The following MEI4 variants were observed in gnomAD, a reference collection of about 807,000 sequenced individuals.
MEI4 encodes meiotic double-stranded break formation protein 4, also known as meiosis-specific protein MEI4.
MEI4 carries 27 observed loss-of-function variants against 31.4 expected under a neutral mutation model. That is an observed-to-expected ratio of 0.86 (90% CI 0.63 to 1.19). MEI4 has a LOEUF of 1.19. MEI4 is among the 50% of genes most tolerant of loss of function. The probability of loss-of-function intolerance (pLI) is 0.00; values close to 1 mark genes in which losing one functional copy is unlikely to be tolerated. For missense variants in MEI4, 329 were observed against 398.9 expected (o/e 0.82, Z 1.49); for synonymous variants, 122 against 145.4 (o/e 0.84, Z 1.16).
intron 2 of MEI4, among the ~76,000 whole-genome samples, chr6:77,730,247 A>G (rs772753257): frequency 3.3e-5 from 5 of 152,112 alleles, no homozygotes; most frequent in Non-Finnish European, 7.4e-5. Context: ...CCAGTTCCTC[A>G]TGGTAGCATT....
At chr6:77,739,573 G>T (rs902479153) in intron 2 of MEI4, among the ~76,000 whole-genome samples, 2 of 152,050 alleles carry the variant, frequency 1.3e-5, no homozygotes, top group African/African-American at 2.4e-5. Context: ...GCCTGTCAGG[G>T]GGTGGGGAGC....
At position 77,808,544 on chromosome 6, in the gene MEI4, G is replaced by A. The variant is rs146825757; in HGVS notation, c.769-20387G>A. On this transcript the variant is annotated intron_variant, in intron 3 of 4. Coordinates refer to ENST00000684080, the MANE Select transcript of MEI4 (RefSeq NM_001322247.2). ...TGAAAACAGGAGAGGACTAGGATTG[G>A]TCCTGGGTTAGTCTGGTATTTTAAT... Among the ~76,000 whole-genome samples, 510 of 152,230 alleles carry A rather than the reference G, an allele frequency of 3.4e-3. 2 individuals are homozygous for A. The highest frequency in any genetic ancestry group is 0.012 in the African/African-American group (497 of 41,538).
At position 77,808,934 on chromosome 6, in the gene MEI4, A is replaced by G. The variant is rs191758594; in HGVS notation, c.769-19997A>G. Among the ~76,000 whole-genome samples the G allele has an allele frequency of 5.1e-4, 78 of 152,252 alleles. 2 individuals are homozygous for G. Among genetic ancestry groups the G allele is most frequent in the African/African-American group, 1.3e-3 (56 of 41,554 alleles). Reference sequence around the variant, plus strand: ...TCAATTCTGGAATGTGGGCCATTCTATGAAGGGGCATGACTTTGGGTGACG... The same window carrying G: ...TCAATTCTGGAATGTGGGCCATTCTGTGAAGGGGCATGACTTTGGGTGACG... On this transcript the variant is annotated intron_variant, in intron 3 of 4. Transcript: ENST00000684080.
intron 4 of MEI4, among the ~76,000 whole-genome samples, chr6:77,917,728 T>A (rs1190037854): frequency 1.1e-4 from 17 of 149,018 alleles, no homozygotes; most frequent in African/African-American, 4.3e-4. Flanking sequence ...GCCTGTTCAC[T>A]CTGATGGTAG....
chr6:77,874,789 T>C (rs1771289790), intron 4 of MEI4, among the ~76,000 whole-genome samples: 1 of 152,192 alleles, frequency 6.6e-6, no homozygotes, highest in Non-Finnish European at 1.5e-5. Flanking sequence ...CATCAGTACC[T>C]AATTTGTTGA....
chr6:77,702,480 G>A (rs1236800338), intron 2 of MEI4, among the ~76,000 whole-genome samples: 3 of 152,136 alleles, frequency 2.0e-5, no homozygotes, highest in African/African-American at 4.8e-5. Flanking sequence ...ATAAAAAGAT[G>A]TATCCTTAAT....
intron 4 of MEI4, among the ~76,000 whole-genome samples, chr6:77,874,722 G>A: frequency 6.6e-6 from 1 of 152,108 alleles, no homozygotes. Context: ...TGCCCATTCA[G>A]TATGATATTG....
intron 4 of MEI4, among the ~76,000 whole-genome samples, chr6:77,909,678 A>G (rs1391122096): frequency 6.6e-6 from 1 of 152,166 alleles, no homozygotes; most frequent in East Asian, 1.9e-4. Flanking sequence ...AATCAATAGA[A>G]AAAGAGGGAA....
intron 2 of MEI4, among the ~76,000 whole-genome samples, chr6:77,695,886 C>T (rs557612076): frequency 1.1e-4 from 17 of 152,150 alleles, no homozygotes; most frequent in Non-Finnish European, 2.2e-4. Flanking sequence ...TAGATTCTTC[C>T]TACCCATGAG....
At chr6:77,667,732 G>A (rs1204344692) in intron 1 of MEI4, among the ~76,000 whole-genome samples, 3 of 152,150 alleles carry the variant, frequency 2.0e-5, no homozygotes, top group Non-Finnish European at 4.4e-5. Context: ...ACTGGACCAT[G>A]AAGGGTGAAG....
chr6:77,866,917 C>G (rs544490610), intron 4 of MEI4, among the ~76,000 whole-genome samples: 1 of 152,104 alleles, frequency 6.6e-6, no homozygotes, highest in African/African-American at 2.4e-5. Flanking sequence ...GAAATAATGC[C>G]GCATATCTAC....
chr6:77,917,774 A>G (rs1766597275), intron 4 of MEI4, among the ~76,000 whole-genome samples: 1 of 151,188 alleles, frequency 6.6e-6, no homozygotes, highest in Admixed American at 6.6e-5. Context: ...TAGTTTAATG[A>G]GATACCATTT....
At chr6:77,834,639 C>A (rs1012897538) in intron 4 of MEI4, among the ~76,000 whole-genome samples, 2 of 151,926 alleles carry the variant, frequency 1.3e-5, no homozygotes, top group African/African-American at 4.8e-5. Context: ...AGTCTCCAAG[C>A]TGAGTTCTGT....
At chr6:77,733,364 AT>A (rs1240770314) in intron 2 of MEI4, among the ~76,000 whole-genome samples, 1 of 151,986 alleles carries the variant, frequency 6.6e-6, no homozygotes, top group Admixed American at 6.6e-5. Context: ...GGGAGAGTGT[AT>A]GTGTCTAGGA....
chr6:77,669,149 A>G (rs1768690857), intron 1 of MEI4, among the ~76,000 whole-genome samples: 1 of 152,186 alleles, frequency 6.6e-6, no homozygotes, highest in African/African-American at 2.4e-5. Context: ...TAATCATTTT[A>G]TTTATTAAGA....
At chr6:77,832,352 ATATATG>A (rs1470522138) in intron 4 of MEI4, among the ~76,000 whole-genome samples, 1 of 151,994 alleles carries the variant, frequency 6.6e-6, no homozygotes, top group Non-Finnish European at 1.5e-5. Context: ...GTGTATGTAT[ATATATG>A]TATGTCATAT....
chr6:77,697,687 C>A (rs187296202), intron 2 of MEI4, among the ~76,000 whole-genome samples: 1 of 152,080 alleles, frequency 6.6e-6, no homozygotes, highest in East Asian at 1.9e-4. Context: ...TTACTTCCAA[C>A]TATGTGGTCA....
At chr6:77,713,045 C>T (rs187520504) in intron 2 of MEI4, among the ~76,000 whole-genome samples, 53 of 151,444 alleles carry the variant, frequency 3.5e-4, no homozygotes, top group African/African-American at 1.3e-3. Context: ...AGACACAGTG[C>T]TTATTGGAAA....
intron 4 of MEI4, among the ~76,000 whole-genome samples, chr6:77,919,638 T>G (rs1273845336): frequency 1.3e-5 from 2 of 149,674 alleles, no homozygotes; most frequent in Non-Finnish European, 3.0e-5. Flanking sequence ...AGGCAAGAAA[T>G]AACTAAAATC....
Sources: allele counts gnomAD v4.1 joint callset (sites outside exome capture counted in the v4.1 genomes callset), GRCh38; gene constraint gnomAD v4.1.1; transcripts MANE v1.5; gene names NCBI Gene and HGNC (gene_info 2026-07-23, HGNC 2026-07-21).